Variants in SUMF1 observed in about 807,000 individuals in gnomAD.
SUMF1 encodes the protein formylglycine-generating enzyme.
In SUMF1, 48 loss-of-function variants were observed where a neutral mutation model predicts 47.6. The observed-to-expected ratio is 1.01, with a 90% CI of 0.80 to 1.28. The LOEUF is 1.28. SUMF1 is among the 50% of genes most tolerant of loss of function. The pLI is 0.00. For missense variants in SUMF1, 571 were observed against 485.4 expected, an observed-to-expected ratio of 1.18 and a Z score of -1.66; for synonymous variants, 230 against 192.1, an observed-to-expected ratio of 1.20 and a Z score of -1.63.
At chr3:4,306,909 AAATAAACT>A (rs1265343991) in intron 8 of SUMF1, among the ~76,000 whole-genome samples, 1 of 152,252 alleles carries the variant, frequency 6.6e-6, no homozygotes, top group African/African-American at 2.4e-5. Flanking sequence ...GCCAAGTAGA[AAATAAACT>A]AATTGATTTT....
intron 8 of SUMF1, among the ~76,000 whole-genome samples, chr3:4,228,752 T>C (rs1442683155): frequency 6.6e-6 from 1 of 152,116 alleles, no homozygotes; most frequent in Non-Finnish European, 1.5e-5. Context: ...TCAATTCTTT[T>C]AAATGGACCA....
intron 8 of SUMF1, among the ~76,000 whole-genome samples, chr3:4,333,849 C>A (rs772852574): frequency 3.3e-5 from 5 of 151,510 alleles, no homozygotes; most frequent in Non-Finnish European, 5.9e-5. Context: ...TTTAGCCAGC[C>A]AGGCATAGTG....
At chr3:4,146,956 T>C (rs1694208571) in intron 8 of SUMF1, among the ~76,000 whole-genome samples, 1 of 152,120 alleles carries the variant, frequency 6.6e-6, no homozygotes, top group African/African-American at 2.4e-5. Context: ...TTTGGCTTGG[T>C]TCCAAGTCTT....
At chr3:4,424,071 T>A (rs2125053656) in intron 3 of SUMF1, among the ~76,000 whole-genome samples, 1 of 152,310 alleles carries the variant, frequency 6.6e-6, no homozygotes, top group East Asian at 1.9e-4. Flanking sequence ...AGGAACAGCT[T>A]AATACAAAAA....
intron 8 of SUMF1, among the ~76,000 whole-genome samples, chr3:4,227,469 A>G (rs1438292249): frequency 6.6e-6 from 1 of 152,072 alleles, no homozygotes; most frequent in African/African-American, 2.4e-5. Context: ...ATCGGCTTTC[A>G]TCTATCCAGT....
chr3:4,157,423 T>C (rs1030353613), intron 8 of SUMF1, among the ~76,000 whole-genome samples: 11 of 151,650 alleles, frequency 7.3e-5, no homozygotes, highest in African/African-American at 2.7e-4. Flanking sequence ...ACATTACAGG[T>C]ATTTTATTCT....
chr3:4,281,679 A>AC (rs968150648), intron 8 of SUMF1, among the ~76,000 whole-genome samples: 1 of 152,174 alleles, frequency 6.6e-6, no homozygotes, highest in African/African-American at 2.4e-5. Context: ...TATTAAACAA[A>AC]CTTTTGGGGG....
chr3:4,178,985 G>A (rs1190054857), intron 8 of SUMF1, among the ~76,000 whole-genome samples: 2 of 152,020 alleles, frequency 1.3e-5, no homozygotes, highest in Admixed American at 6.5e-5. Flanking sequence ...AACTTACAAG[G>A]GATGTGATGG....
At chr3:4,291,449 CCTT>C (rs1029533762) in intron 8 of SUMF1, among the ~76,000 whole-genome samples, 23 of 152,138 alleles carry the variant, frequency 1.5e-4, no homozygotes, top group African/African-American at 3.9e-4. Context: ...CTTCCTCTCT[CCTT>C]CTTTTTACCA....
intron 8 of SUMF1, among the ~76,000 whole-genome samples, chr3:4,346,553 C>A (rs574186031): frequency 6.6e-6 from 1 of 152,196 alleles, no homozygotes; most frequent in African/African-American, 2.4e-5. Flanking sequence ...ATTTATAGCA[C>A]TAAATGCCCA....
chr3:4,305,657 A>C (rs1007538379), intron 8 of SUMF1, among the ~76,000 whole-genome samples: 2 of 152,098 alleles, frequency 1.3e-5, no homozygotes, highest in Non-Finnish European at 2.9e-5. Context: ...CTTATTTGTT[A>C]TTTGATGTTA....
chr3:4,313,819 G>A, intron 8 of SUMF1: 1 of 1,604,532 alleles, frequency 6.2e-7, no homozygotes, highest in Non-Finnish European at 8.5e-7. Flanking sequence ...ACAGTGGTTG[G>A]CTAGCTTTAC....
At chr3:4,156,088 A>G (rs1045792954) in intron 8 of SUMF1, among the ~76,000 whole-genome samples, 1 of 151,546 alleles carries the variant, frequency 6.6e-6, no homozygotes, top group Admixed American at 6.6e-5. Flanking sequence ...TTAAAGTATA[A>G]AACAGCAAAA....
chr3:4,335,960 C>CAAAAAAAAAAAAAAAAAAAAAA (rs770091674), intron 8 of SUMF1, among the ~76,000 whole-genome samples: 43 of 73,884 alleles, frequency 5.8e-4, no homozygotes, highest in African/African-American at 2.7e-3. Flanking sequence ...GATTCCAACT[C>CAAAAAAAAAAAAAAAAAAAAAA]AAAAAAAAAA....
intron 3 of SUMF1, among the ~76,000 whole-genome samples, chr3:4,448,193 T>C (rs560342353): frequency 1.3e-5 from 2 of 152,294 alleles, no homozygotes; most frequent in East Asian, 1.9e-4. Flanking sequence ...AATTCACCTA[T>C]ATATGATCTG....
At chr3:4,284,640 C>T (rs555908756) in intron 8 of SUMF1, among the ~76,000 whole-genome samples, 1 of 151,618 alleles carries the variant, frequency 6.6e-6, no homozygotes, top group Non-Finnish European at 1.5e-5. Context: ...TTCTTGCCAC[C>T]AAAAATGTCT....
chr3:4,055,958 A>G (rs1695185526), intron 9 of SUMF1, among the ~76,000 whole-genome samples: 1 of 152,140 alleles, frequency 6.6e-6, no homozygotes, highest in African/African-American at 2.4e-5. Context: ...CTTCAAAGCC[A>G]GCAATAACAG....
chr3:4,212,563 G>A (rs1440280159), intron 8 of SUMF1, among the ~76,000 whole-genome samples: 1 of 152,134 alleles, frequency 6.6e-6, no homozygotes, highest in Non-Finnish European at 1.5e-5. Context: ...GAATGAGTTT[G>A]ATGAATTGAC....
intron 8 of SUMF1, among the ~76,000 whole-genome samples, chr3:4,295,688 T>C (rs1403560317): frequency 6.6e-6 from 1 of 152,188 alleles, no homozygotes; most frequent in African/African-American, 2.4e-5. Flanking sequence ...TTGCTGGTGA[T>C]ATTGCAGGTT....
Sources: gnomAD v4.1 joint callset for allele counts (sites outside exome capture counted in the v4.1 genomes callset) on GRCh38, gnomAD v4.1.1 for gene constraint, MANE v1.5 for transcripts, NCBI Gene and HGNC (gene_info 2026-07-23, HGNC 2026-07-21) for gene names.